The following GPHN variants were observed in gnomAD, a reference collection of about 807,000 sequenced individuals.
GPHN encodes gephyrin.
GPHN carries 17 observed loss-of-function variants against 95.5 expected under a neutral mutation model. The ratio of observed to expected loss-of-function variants is 0.18; its 90% CI spans 0.12 to 0.27. GPHN has a LOEUF of 0.27. GPHN is among the 10% of genes least tolerant of loss of function. The probability of loss-of-function intolerance (pLI) is 1.00; values close to 1 mark genes in which losing one functional copy is unlikely to be tolerated. For missense variants in GPHN, 660 were observed against 978.1 expected (o/e 0.67, Z 4.34); for synonymous variants, 320 against 322.5 (o/e 0.99, Z 0.08).
the GPHN span, among the ~76,000 whole-genome samples, chr14:67,630,610 C>A: frequency 3.3e-5 from 5 of 152,172 alleles, no homozygotes; most frequent in African/African-American, 1.2e-4. Context: ...GATGGAGTCT[C>A]GCTCTGTCGC....
At chr14:67,132,553 T>C (rs1209459564) in intron 17 of GPHN, among the ~76,000 whole-genome samples, 1 of 152,142 alleles carries the variant, frequency 6.6e-6, no homozygotes, top group Non-Finnish European at 1.5e-5. Flanking sequence ...TTCTATTGGT[T>C]AACAAAGAAC....
chr14:66,510,186 A>T (rs954879003), intron 1 of GPHN, among the ~76,000 whole-genome samples: 5 of 152,176 alleles, frequency 3.3e-5, no homozygotes, highest in African/African-American at 1.2e-4. Context: ...TTTTCGAATA[A>T]TCTGATGGTG....
rs17103816 is a variant in GPHN at position 67,007,330 on chromosome 14, G to A, written c.964-16303G>A. ...TGCTTAATTTATTAATGTAAATACAGTAATTGAACCACACAACTGTCAGTT... is the reference window on the plus strand; with the variant it reads ...TGCTTAATTTATTAATGTAAATACAATAATTGAACCACACAACTGTCAGTT... On this transcript the variant is annotated intron_variant, in intron 9 of 22. Coordinates refer to ENST00000478722, the MANE Select transcript of GPHN (RefSeq NM_020806.5). 3.0e-3 allele frequency among the ~76,000 whole-genome samples: 457 copies of A among 152,318 alleles called. 3 individuals are homozygous for A. Among genetic ancestry groups the A allele is most frequent in the African/African-American group, 0.011 (439 of 41,570 alleles).
At chr14:66,853,253 A>G (rs779563280) in intron 4 of GPHN, among the ~76,000 whole-genome samples, 16 of 152,214 alleles carry the variant, frequency 1.1e-4, no homozygotes, top group South Asian at 2.1e-4. Context: ...CAACAGACCA[A>G]TGTAACACTG....
the GPHN span, among the ~76,000 whole-genome samples, chr14:67,494,238 A>G: frequency 2.6e-5 from 4 of 152,258 alleles, no homozygotes; most frequent in African/African-American, 9.6e-5. Context: ...CTCATTAACC[A>G]TGTAATTAGA....
rs567863773 is a variant in GPHN at position 66,842,338 on chromosome 14, A to T, written c.294+17772A>T. Among the ~76,000 whole-genome samples, 12 of 149,020 alleles carry T rather than the reference A, an allele frequency of 8.1e-5. No individual in the cohort carries two copies. The East Asian group carries it at 8.2e-4, about 10-fold the overall frequency. ...TGCTCATTCACAAAGAGTGGAAGGGATCCCACTGAATTAGAAACCCGACCT... is the reference window on the plus strand; with the variant it reads ...TGCTCATTCACAAAGAGTGGAAGGGTTCCCACTGAATTAGAAACCCGACCT... On this transcript the variant is annotated intron_variant, in intron 4 of 22. Transcript: ENST00000478722.
chr14:66,545,131 C>T (rs1471690594), intron 1 of GPHN, among the ~76,000 whole-genome samples: 4 of 152,222 alleles, frequency 2.6e-5, no homozygotes, highest in Middle Eastern at 3.4e-3. Flanking sequence ...GGCAGAGGGG[C>T]TCCTCACTTC....
the GPHN span, among the ~76,000 whole-genome samples, chr14:67,531,931 A>T: frequency 9.0e-5 from 13 of 144,156 alleles, no homozygotes; most frequent in Non-Finnish European, 1.2e-4. Context: ...AAAAAAAAAA[A>T]GTGAATGAAT....
the GPHN span, chr14:67,592,724 A>G: frequency 1.3e-6 from 2 of 1,558,044 alleles, no homozygotes; most frequent in Non-Finnish European, 1.8e-6. Context: ...TTCTGCTGTA[A>G]GAAAATAAAT....
the GPHN span, among the ~76,000 whole-genome samples, chr14:67,686,425 G>A: frequency 6.6e-6 from 1 of 152,116 alleles, no homozygotes; most frequent in Non-Finnish European, 1.5e-5. Flanking sequence ...GACTGCCTGA[G>A]CTCAGGAGTT....
the GPHN span, among the ~76,000 whole-genome samples, chr14:67,213,401 G>A: frequency 7.2e-6 from 1 of 139,364 alleles, no homozygotes; most frequent in Non-Finnish European, 1.5e-5. Flanking sequence ...ACCTATGAGT[G>A]AGAATATGCG....
intron 2 of GPHN, among the ~76,000 whole-genome samples, chr14:66,682,594 AC>A (rs1385461488): frequency 6.6e-5 from 10 of 152,022 alleles, no homozygotes; most frequent in African/African-American, 2.2e-4. Context: ...TACAAAAAAT[AC>A]AAAAATTAGC....
the GPHN span, chr14:67,735,216 C>T: frequency 2.7e-5 from 39 of 1,459,478 alleles, no homozygotes; most frequent in African/African-American, 4.2e-5. Context: ...CATCATTTCT[C>T]GTGGTGTTCA....
Position 66,596,836 on chromosome 14 carries a change from A to G in GPHN, c.65-84271A>G, listed in dbSNP as rs111704640. Among the ~76,000 whole-genome samples, 555 of 152,140 alleles carry G rather than the reference A, an allele frequency of 3.6e-3. 12 individuals are homozygous for G. Among genetic ancestry groups the G allele is most frequent in the African/African-American group, 0.013 (529 of 41,496 alleles). ...CCTGTTTAACTTGGAATGGGCTGGG[A>G]GCTTCCACCTGTTCTTGGTTCCTGC... On this transcript the variant is annotated intron_variant, in intron 1 of 22. Coordinates refer to ENST00000478722, the MANE Select transcript of GPHN (RefSeq NM_020806.5).
At chr14:67,019,870 T>A (rs1317790322) in intron 9 of GPHN, among the ~76,000 whole-genome samples, 1 of 152,186 alleles carries the variant, frequency 6.6e-6, no homozygotes, top group Admixed American at 6.5e-5. Context: ...TGGGATGGTT[T>A]AAGGGAAGAA....
intron 9 of GPHN, among the ~76,000 whole-genome samples, chr14:66,992,034 AG>A (rs1242157871): frequency 6.6e-6 from 1 of 152,122 alleles, no homozygotes. Context: ...TCAGGAAAAA[AG>A]TAGATAAATG....
At chr14:67,240,075 A>G in the GPHN span, among the ~76,000 whole-genome samples, 18 of 152,178 alleles carry the variant, frequency 1.2e-4, no homozygotes, top group African/African-American at 3.9e-4. Flanking sequence ...CCTACTGAGA[A>G]ATTTTTGATG....
intron 1 of GPHN, among the ~76,000 whole-genome samples, chr14:66,606,995 G>T (rs761202088): frequency 2.2e-4 from 33 of 152,238 alleles, no homozygotes; most frequent in Middle Eastern, 3.4e-3. Flanking sequence ...GGAGTGTTGA[G>T]AGTGGGCAGC....
chr14:67,592,688 A>G, the GPHN span: 629 of 1,607,530 alleles, frequency 3.9e-4, 2 homozygotes, highest in Non-Finnish European at 4.0e-4. Flanking sequence ...GGATCTTTCA[A>G]TAAGATGCAG....
Sources: allele counts gnomAD v4.1 joint callset (sites outside exome capture counted in the v4.1 genomes callset), GRCh38; gene constraint gnomAD v4.1.1; transcripts MANE v1.5; gene names NCBI Gene and HGNC (gene_info 2026-07-23, HGNC 2026-07-21).